CERS6: variants seen among roughly 807,000 people sequenced by gnomAD.
The protein encoded by CERS6 is ceramide synthase 6, also known as LAG1 homolog, ceramide synthase 6.
A neutral mutation model predicts 56.8 loss-of-function variants in CERS6; 26 were observed. That is an observed-to-expected ratio of 0.46 (90% CI 0.34 to 0.63). The LOEUF (loss-of-function observed/expected upper bound fraction) is 0.63, where lower values mean the gene tolerates loss of function less well. Ranked by LOEUF, CERS6 falls within the 30% of genes least tolerant of loss-of-function variation. The probability of loss-of-function intolerance (pLI) is 0.01; values close to 1 mark genes in which losing one functional copy is unlikely to be tolerated. For synonymous variants in CERS6, 164 were observed against 173.3 expected, an observed-to-expected ratio of 0.95 and a Z score of 0.42; for missense variants, 415 against 467.5, an observed-to-expected ratio of 0.89 and a Z score of 1.04.
intron 8 of CERS6, among the ~76,000 whole-genome samples, chr2:168,744,079 C>G (rs1188315628): frequency 7.0e-6 from 1 of 143,530 alleles, no homozygotes; most frequent in Non-Finnish European, 1.5e-5. Flanking sequence ...GATCTGGGCT[C>G]ACTGCAAGCT....
chr2:168,645,112 A>ATATATATATAT lies in CERS6; in HGVS notation c.465+14070_465+14071insTATATATATAT, dbSNP rs1421470329. 6.7e-4 allele frequency among the ~76,000 whole-genome samples: 32 copies of ATATATATATAT among 47,730 alleles called. 2 individuals carry two copies. The highest frequency in any genetic ancestry group is 1.2e-3 in the Non-Finnish European group (29 of 24,480). 31.3% of individuals were successfully genotyped at this position (47,730 alleles called of 152,430 possible). ...TCTTAAAAAAAAAAAAAAAAAAAAA[A>ATATATATATAT]AAAAATATATATATATATATATATA... is the stretch of plus-strand genomic sequence containing the variant. On this transcript the variant is annotated intron_variant, in intron 4 of 9. Coordinates refer to ENST00000305747, the MANE Select transcript of CERS6 (RefSeq NM_203463.3).
At chr2:168,687,242 G>C (rs1185482579) in intron 4 of CERS6, among the ~76,000 whole-genome samples, 1 of 152,206 alleles carries the variant, frequency 6.6e-6, no homozygotes, top group East Asian at 1.9e-4. Flanking sequence ...TGCTTCAAAT[G>C]ATTCTCGCAA....
rs1356122634 is a variant in CERS6, at chr2:168,667,145, A to G, written c.466-23889A>G. Among the ~76,000 whole-genome samples, 5 of 152,206 alleles carry G rather than the reference A, an allele frequency of 3.3e-5. No individual in the cohort carries two copies. In the East Asian group the frequency reaches 9.6e-4, roughly 29 times the overall value. On this transcript the variant is annotated intron_variant, in intron 4 of 9. Transcript: ENST00000305747. ...TTTTCATTATAAATTAAGCAAAGCAATATATTTCGGATTGGGATTTTCTGT... is the reference window on the plus strand; with the variant it reads ...TTTTCATTATAAATTAAGCAAAGCAGTATATTTCGGATTGGGATTTTCTGT...
chr2:168,645,140 T>TAG (rs1258824707), intron 4 of CERS6, among the ~76,000 whole-genome samples: 10 of 23,646 alleles, frequency 4.2e-4, no homozygotes, highest in East Asian at 8.7e-4. Flanking sequence ...TATATATATA[T>TAG]ATAGAGAGAG....
intron 1 of CERS6, among the ~76,000 whole-genome samples, chr2:168,471,438 T>C (rs1050837597): frequency 2.0e-5 from 3 of 152,260 alleles, no homozygotes; most frequent in African/African-American, 7.2e-5. Context: ...TTAAAAACTA[T>C]GTAATAGCAT....
In CERS6 at chr2:168,652,609, TG is replaced by T. The variant is rs143738681; in HGVS notation, c.465+21568del. ...AAAAAAGGAAAAATTAATGAATTGT[TG>T]TTTTTTTTTTAACCTTTCCTTATAT... On this transcript the variant is annotated intron_variant, in intron 4 of 9. Transcript: ENST00000305747. 5.9e-3 allele frequency among the ~76,000 whole-genome samples: 891 copies of T among 151,206 alleles called. 5 individuals are homozygous for T. Among genetic ancestry groups the T allele is most frequent in the Middle Eastern group, 0.014 (4 of 292 alleles).
At chr2:168,634,745 G>A (rs74940584) in intron 4 of CERS6, among the ~76,000 whole-genome samples, 1,825 of 152,132 alleles carry the variant, frequency 0.012, 18 homozygotes, top group Non-Finnish European at 0.019. Context: ...AATTCATTTC[G>A]CACACACGCA....
At chr2:168,484,194 T>C (rs925566561) in intron 1 of CERS6, among the ~76,000 whole-genome samples, 10 of 127,378 alleles carry the variant, frequency 7.9e-5, no homozygotes, top group African/African-American at 2.8e-4. Context: ...TTTTTTTTTT[T>C]TTTTGAGACG....
chr2:168,774,507 A>T lies in CERS6; in HGVS notation c.*4845A>T, dbSNP rs1330250128. ...ATGTCTGTTGCGTGGCCTGGAAACC[A>T]GGGAGCAGCAACTATTGAGATGGTT... On this transcript the variant is annotated 3_prime_UTR_variant, in exon 10 of 10. Coordinates refer to ENST00000305747, the MANE Select transcript of CERS6 (RefSeq NM_203463.3). 6.6e-6 allele frequency: 1 copy of T among 152,206 alleles called. No homozygotes were observed. The highest frequency in any genetic ancestry group is 6.5e-5 in the Admixed American group (1 of 15,284). 9.4% of individuals were successfully genotyped at this position (152,206 alleles called of 1,614,324 possible).
chr2:168,644,247 G>A (rs1045343634), intron 4 of CERS6: 6 of 957,094 alleles, frequency 6.3e-6, no homozygotes, highest in Non-Finnish European at 6.2e-6. Flanking sequence ...TCTGAACTGA[G>A]CATGTGACTG....
intron 3 of CERS6, among the ~76,000 whole-genome samples, chr2:168,624,746 T>C (rs192588421): frequency 2.6e-5 from 4 of 152,264 alleles, no homozygotes; most frequent in East Asian, 1.9e-4. Context: ...GGAAACCTCA[T>C]TGGAAGGTTT....
At chr2:168,547,455 C>T in intron 1 of CERS6, 141 bp from the exon 2 acceptor site, 2 of 573,218 alleles carry the variant, frequency 3.5e-6, no homozygotes, top group Non-Finnish European at 6.3e-6. Flanking sequence ...CAGTTACTGA[C>T]AGGAGTGTTG....
intron 1 of CERS6, among the ~76,000 whole-genome samples, chr2:168,464,653 A>G (rs1180363997): frequency 2.0e-5 from 3 of 149,120 alleles, no homozygotes; most frequent in Non-Finnish European, 4.4e-5. Context: ...TGAGGCATCA[A>G]GATTGAATGG....
intron 4 of CERS6, among the ~76,000 whole-genome samples, chr2:168,635,549 G>A (rs1041340183): frequency 2.6e-5 from 4 of 152,180 alleles, no homozygotes; most frequent in Non-Finnish European, 4.4e-5. Context: ...GCAGAAGTGC[G>A]GCTTGCACAG....
chr2:168,750,718 G>T (rs1398499830), intron 8 of CERS6, among the ~76,000 whole-genome samples: 1 of 152,074 alleles, frequency 6.6e-6, no homozygotes, highest in African/African-American at 2.4e-5. Flanking sequence ...CATCTTCATG[G>T]ACAAATTTCC....
At chr2:168,553,234 C>T (rs1021837237) in intron 2 of CERS6, among the ~76,000 whole-genome samples, 2 of 151,954 alleles carry the variant, frequency 1.3e-5, no homozygotes, top group African/African-American at 4.8e-5. Flanking sequence ...ATATATAGGC[C>T]AAGCAGATCC....
chr2:168,671,327 G>C (rs1213406440), intron 4 of CERS6, among the ~76,000 whole-genome samples: 2 of 152,086 alleles, frequency 1.3e-5, no homozygotes, highest in Admixed American at 6.6e-5. Flanking sequence ...CCAGCGTTCA[G>C]TTTGATTATT....
chr2:168,531,849 C>T (rs1287915212), intron 1 of CERS6, among the ~76,000 whole-genome samples: 2 of 151,636 alleles, frequency 1.3e-5, no homozygotes, highest in East Asian at 3.9e-4. Flanking sequence ...TCAGTGACCA[C>T]CACAGACGAG....
chr2:168,656,093 GCTTTC>G (rs1433442424), intron 4 of CERS6, among the ~76,000 whole-genome samples: 1 of 152,108 alleles, frequency 6.6e-6, no homozygotes, highest in East Asian at 1.9e-4. Flanking sequence ...TCTTCTCAAA[GCTTTC>G]CTCCTAAATA....
Sources: allele counts gnomAD v4.1 joint callset (sites outside exome capture counted in the v4.1 genomes callset), GRCh38; gene constraint gnomAD v4.1.1; transcripts MANE v1.5; gene names NCBI Gene and HGNC (gene_info 2026-07-23, HGNC 2026-07-21).